CADPS2: variants seen among roughly 807,000 people sequenced by gnomAD.
The protein encoded by CADPS2 is calcium dependent secretion activator 2.
In CADPS2, 93 loss-of-function variants were observed where a neutral mutation model predicts 172.5. The observed-to-expected ratio is 0.54, with a 90% CI of 0.46 to 0.64. The LOEUF is 0.64. Ranked by LOEUF, CADPS2 falls within the 30% of genes least tolerant of loss-of-function variation. The probability of loss-of-function intolerance (pLI) is 0.00; values close to 1 mark genes in which losing one functional copy is unlikely to be tolerated. For missense variants in CADPS2, 1,420 were observed against 1,565.9 expected (o/e 0.91, Z 1.57); for synonymous variants, 546 against 555.2 (o/e 0.98, Z 0.23).
intron 8 of CADPS2, among the ~76,000 whole-genome samples, chr7:122,545,462 C>G (rs2063529672): frequency 6.6e-6 from 1 of 152,064 alleles, no homozygotes; most frequent in East Asian, 1.9e-4. Flanking sequence ...GGTATAAAAT[C>G]TAGACGAACC....
chr7:122,689,899 G>A (rs921814930), intron 2 of CADPS2, among the ~76,000 whole-genome samples: 2 of 152,190 alleles, frequency 1.3e-5, no homozygotes, highest in African/African-American at 4.8e-5. Context: ...ATGGACGCTA[G>A]AGTCAGCCAG....
chr7:122,566,601 T>C (rs2066507874), intron 7 of CADPS2, among the ~76,000 whole-genome samples: 1 of 152,144 alleles, frequency 6.6e-6, no homozygotes, highest in Non-Finnish European at 1.5e-5. Flanking sequence ...CTTATTTTAT[T>C]AATATAGTGA....
chr7:122,492,481 T>G (rs149705544), intron 9 of CADPS2, among the ~76,000 whole-genome samples: 1 of 152,186 alleles, frequency 6.6e-6, no homozygotes, highest in African/African-American at 2.4e-5. Context: ...ATACTGTAAA[T>G]GGGGAATGTT....
intron 7 of CADPS2, among the ~76,000 whole-genome samples, chr7:122,561,524 C>A (rs1424746751): frequency 6.6e-6 from 1 of 152,128 alleles, no homozygotes; most frequent in Non-Finnish European, 1.5e-5. Context: ...ATGTGTCAAT[C>A]ATTCTCCAGT....
At chr7:122,705,440 A>C (rs942027260) in intron 2 of CADPS2, among the ~76,000 whole-genome samples, 4 of 137,674 alleles carry the variant, frequency 2.9e-5, no homozygotes, top group Admixed American at 8.2e-5. Context: ...AATATGTAAT[A>C]TAATATTATA....
chr7:122,640,183 A>T (rs2077461833), intron 3 of CADPS2, among the ~76,000 whole-genome samples: 1 of 152,152 alleles, frequency 6.6e-6, no homozygotes, highest in South Asian at 2.1e-4. Flanking sequence ...ATCCACCTAG[A>T]GTCATGTAGA....
At chr7:122,537,208 T>C (rs1166873155) in intron 8 of CADPS2, among the ~76,000 whole-genome samples, 2 of 151,608 alleles carry the variant, frequency 1.3e-5, no homozygotes, top group African/African-American at 4.8e-5. Context: ...TGTATACAAC[T>C]ATTTATCAAA....
intron 2 of CADPS2, chr7:122,698,809 A>T (rs1423350794): frequency 1.2e-6 from 2 of 1,613,936 alleles, no homozygotes; most frequent in Non-Finnish European, 1.7e-6. Flanking sequence ...AGCCATCCAA[A>T]CAACACTTGC....
intron 7 of CADPS2, among the ~76,000 whole-genome samples, chr7:122,561,054 T>C (rs1270416914): frequency 6.6e-6 from 1 of 152,150 alleles, no homozygotes; most frequent in African/African-American, 2.4e-5. Flanking sequence ...ATCTAAATTA[T>C]TTCTTATTTG....
At chr7:122,497,080 T>C (rs1233080327) in intron 9 of CADPS2, among the ~76,000 whole-genome samples, 4 of 152,134 alleles carry the variant, frequency 2.6e-5, no homozygotes, top group Admixed American at 2.0e-4. Context: ...GTGAGTATTT[T>C]AAAAATCTGA....
chr7:122,636,905 T>C (rs567938259), intron 3 of CADPS2, among the ~76,000 whole-genome samples: 19 of 152,232 alleles, frequency 1.2e-4, no homozygotes, highest in African/African-American at 4.3e-4. Context: ...TCTAGTGAGA[T>C]TGGTGAAATT....
At chr7:122,773,851 G>A (rs2093781396) in intron 1 of CADPS2, among the ~76,000 whole-genome samples, 1 of 152,020 alleles carries the variant, frequency 6.6e-6, no homozygotes, top group South Asian at 2.1e-4. Flanking sequence ...AAGAAATGAA[G>A]ACAGCTAGCT....
At chr7:122,756,296 G>T (rs1345365902) in intron 1 of CADPS2, among the ~76,000 whole-genome samples, 1 of 151,984 alleles carries the variant, frequency 6.6e-6, no homozygotes, top group Non-Finnish European at 1.5e-5. Context: ...ATCAAATGTT[G>T]CTTAGTTATC....
At chr7:122,326,272 T>A (rs558337678) in intron 28 of CADPS2, among the ~76,000 whole-genome samples, 19 of 152,198 alleles carry the variant, frequency 1.2e-4, no homozygotes, top group African/African-American at 4.6e-4. Context: ...GAAAAGGATG[T>A]GTTTCATTTT....
At chr7:122,876,719 T>C (rs1821312673) in intron 1 of CADPS2, among the ~76,000 whole-genome samples, 1 of 152,132 alleles carries the variant, frequency 6.6e-6, no homozygotes, top group South Asian at 2.1e-4. Context: ...ATAAGACTTA[T>C]AGCTAACATA....
intron 2 of CADPS2, among the ~76,000 whole-genome samples, chr7:122,669,422 G>A (rs1188342168): frequency 6.6e-6 from 1 of 151,214 alleles, no homozygotes; most frequent in Admixed American, 6.6e-5. Flanking sequence ...TAAACAGGAG[G>A]ATTATACAGG....
Position 122,406,921 on chromosome 7 carries a change from A to T in CADPS2, c.2746+619T>A, listed in dbSNP as rs2046718037. 2.0e-5 allele frequency among the ~76,000 whole-genome samples: 3 copies of T among 152,330 alleles called. 1 individual carries two copies. In the South Asian group the frequency reaches 6.2e-4, roughly 32 times the overall value. On this transcript the variant is annotated intron_variant, in intron 20 of 29. Coordinates refer to ENST00000449022, the MANE Select transcript of CADPS2 (RefSeq NM_017954.11). ...AAGGCCTAGGAATCCGTATGTTAAA[A>T]TCTTGATAAAAAACAGTTTGTTTTG...
chr7:122,497,166 T>C (rs2058802001), intron 9 of CADPS2, among the ~76,000 whole-genome samples: 1 of 152,132 alleles, frequency 6.6e-6, no homozygotes, highest in African/African-American at 2.4e-5. Context: ...TTAGTATGCA[T>C]CTGGTAAATT....
At position 122,393,647 on chromosome 7, in the gene CADPS2, G is replaced by A. The variant is rs1466802327; in HGVS notation, c.2747-65C>T. 3.8e-6 allele frequency: 6 copies of A among 1,575,080 alleles called. No homozygotes were observed. In the African/African-American group the frequency reaches 4.1e-5, roughly 11 times the overall value. ...AATATCAGACATTTGGAAAATATGG[G>A]CCAAAAAAACACGTTTTCTGAGAGA... On this transcript the variant is annotated intron_variant, in intron 20 of 29. Transcript: ENST00000449022.
Sources: gnomAD v4.1 joint callset for allele counts (sites outside exome capture counted in the v4.1 genomes callset) on GRCh38, gnomAD v4.1.1 for gene constraint, MANE v1.5 for transcripts, NCBI Gene and HGNC (gene_info 2026-07-23, HGNC 2026-07-21) for gene names.